ADRA1A: variants seen among roughly 807,000 people sequenced by gnomAD.
The protein encoded by ADRA1A is alpha-1A adrenergic receptor.
Under a neutral mutation model 29.6 loss-of-function variants are expected in ADRA1A, and 31 were observed. The observed-to-expected ratio is 1.05, with a 90% CI of 0.79 to 1.41. ADRA1A has a LOEUF of 1.41. Among genes scored for constraint, ADRA1A ranks in the 40% most tolerant of loss-of-function variants. The pLI, the probability that ADRA1A is intolerant of heterozygous loss-of-function variation, is 0.00. For synonymous variants in ADRA1A, 311 were observed against 254.3 expected (o/e 1.22, Z -2.12); for missense variants, 619 against 601.1 (o/e 1.03, Z -0.31).
chr8:26,833,068 A>G lies in ADRA1A; in HGVS notation c.883+31019T>C, dbSNP rs1001498899. Among the ~76,000 whole-genome samples the G allele has an allele frequency of 4.6e-5, 7 of 152,324 alleles. No individual in the cohort carries two copies. The South Asian group carries it at 8.3e-4, about 18-fold the overall frequency. ...CACATGTATGTATATTAGTAAAGTT[A>G]TAGATATACGTGTGTGTGGAAATCG... On this transcript the variant is annotated intron_variant, in intron 2 of 2. Coordinates refer to ENST00000380573, the MANE Select transcript of ADRA1A (RefSeq NM_000680.4).
chr8:26,796,358 G>A lies in ADRA1A; in HGVS notation c.884-25692C>T, dbSNP rs533337684. Among the ~76,000 whole-genome samples the A allele has an allele frequency of 3.3e-5, 5 of 152,142 alleles. No homozygotes were observed. Among genetic ancestry groups the A allele is most frequent in the Non-Finnish European group, 5.9e-5 (4 of 68,008 alleles). On this transcript the variant is annotated intron_variant, in intron 2 of 2. Transcript: ENST00000380573. This position sits in a 1 kb window ranked among gnomAD's most constrained non-coding sequence, Gnocchi z 5.0. ...ACTCACTGATTACCTACAACATTTC[G>A]CTACCTTCATCTGCATTTCCAAGTT... is the stretch of plus-strand genomic sequence containing the variant.
intron 2 of ADRA1A, among the ~76,000 whole-genome samples, chr8:26,778,866 C>T: frequency 6.6e-6 from 1 of 151,562 alleles, no homozygotes. Flanking sequence ...ATGGGTGCAG[C>T]ACACCAACAT....
chr8:26,766,291 C>T (rs1805780593), downstream of ADRA1A: 1 of 662,598 alleles, frequency 1.5e-6, no homozygotes, highest in Non-Finnish European at 2.7e-6. Flanking sequence ...TTCAATACAA[C>T]ACCCGATATG....
downstream of ADRA1A, among the ~76,000 whole-genome samples, chr8:26,752,238 T>C (rs1804952130): frequency 6.6e-6 from 1 of 152,210 alleles, no homozygotes; most frequent in South Asian, 2.1e-4. Context: ...GAGCCACTTT[T>C]ATTGGTTGGT....
chr8:26,843,970 C>G (rs1490899612), intron 2 of ADRA1A, among the ~76,000 whole-genome samples: 2 of 152,108 alleles, frequency 1.3e-5, no homozygotes, highest in Non-Finnish European at 2.9e-5. Context: ...TTTTTCTAAT[C>G]AAAGATTTAA....
intron 2 of ADRA1A, among the ~76,000 whole-genome samples, chr8:26,826,267 A>T (rs531994655): frequency 1.3e-5 from 2 of 152,226 alleles, no homozygotes; most frequent in African/African-American, 4.8e-5. Context: ...GGTGTTTCTG[A>T]CTGGCAAGCA....
At chr8:26,853,037 A>G (rs953686158) in intron 2 of ADRA1A, among the ~76,000 whole-genome samples, 1 of 152,226 alleles carries the variant, frequency 6.6e-6, no homozygotes, top group African/African-American at 2.4e-5. Flanking sequence ...ATCAATGTCA[A>G]TGAAAAAAGA....
chr8:26,778,687 C>T (rs1002108135), intron 2 of ADRA1A, among the ~76,000 whole-genome samples: 9 of 150,650 alleles, frequency 6.0e-5, no homozygotes, highest in East Asian at 5.9e-4. Flanking sequence ...AGCAAACTAT[C>T]GCAAGGACAA....
rs1810497759 is a variant in ADRA1A at position 26,825,542 on chromosome 8, A to G, written c.883+38545T>C. Among the ~76,000 whole-genome samples, 1 of 152,084 alleles carries G rather than the reference A, an allele frequency of 6.6e-6. No individual in the cohort carries two copies. The highest frequency in any genetic ancestry group is 1.5e-5 in the Non-Finnish European group (1 of 68,028). Reference sequence around the variant, plus strand: ...TTACCCCAACTTCTAGTTGTCAGCTATCCTTGTCAAAATTTCCTAATTTTG... The same window carrying G: ...TTACCCCAACTTCTAGTTGTCAGCTGTCCTTGTCAAAATTTCCTAATTTTG... On this transcript the variant is annotated intron_variant, in intron 2 of 2. Coordinates refer to ENST00000380573, the MANE Select transcript of ADRA1A (RefSeq NM_000680.4). The surrounding 1 kb of genome is among the most constrained non-coding windows in gnomAD (Gnocchi z 5.7).
In ADRA1A at chr8:26,775,111, G is replaced by A. The variant is rs138620960; in HGVS notation, c.884-4445C>T. On this transcript the variant is annotated intron_variant, in intron 2 of 2. Transcript: ENST00000380573. The surrounding 1 kb of genome is among the most constrained non-coding windows in gnomAD (Gnocchi z 4.1). ...CATCCGGCCGGCTTTGCTCACTCAC[G>A]GAGCTCCAGAATCCAGTAAAATGCT... Among the ~76,000 whole-genome samples, 2 of 152,240 alleles carry A rather than the reference G, an allele frequency of 1.3e-5. No homozygotes were observed. Among genetic ancestry groups the A allele is most frequent in the East Asian group, 1.9e-4 (1 of 5,172 alleles).
intron 2 of ADRA1A, among the ~76,000 whole-genome samples, chr8:26,808,566 C>T (rs1223177507): frequency 1.3e-5 from 2 of 152,188 alleles, no homozygotes; most frequent in Non-Finnish European, 2.9e-5. Flanking sequence ...ATCCCCTTTC[C>T]TGCTTCTAGC....
rs1809667700 is a variant in ADRA1A, at chr8:26,815,107, T to A, written c.884-44441A>T. Among the ~76,000 whole-genome samples, 1 of 152,220 alleles carries A rather than the reference T, an allele frequency of 6.6e-6. No homozygotes were observed. ...TATTTCTTTTATTGGTCAATATAAT[T>A]TAGACGCATGGGCCAAAGTATCAAA... On this transcript the variant is annotated intron_variant, in intron 2 of 2. Transcript: ENST00000380573. The surrounding 1 kb of genome is among the most constrained non-coding windows in gnomAD (Gnocchi z 4.2).
At chr8:26,767,626 T>A (rs535543123), downstream of ADRA1A, among the ~76,000 whole-genome samples, 1 of 152,332 alleles carries the variant, frequency 6.6e-6, no homozygotes, top group African/African-American at 2.4e-5. Flanking sequence ...TCTCTAGTTG[T>A]TTATTTTGAT....
At chr8:26,776,334 C>A (rs2130320185) in intron 2 of ADRA1A, among the ~76,000 whole-genome samples, 1 of 152,324 alleles carries the variant, frequency 6.6e-6, no homozygotes, top group African/African-American at 2.4e-5. Context: ...TTGGTTCCAG[C>A]CTCCAGCTTC....
At chr8:26,750,654 G>T (rs544797633) in intron 2 of ADRA1A, among the ~76,000 whole-genome samples, 5 of 152,222 alleles carry the variant, frequency 3.3e-5, no homozygotes, top group Non-Finnish European at 5.9e-5. Flanking sequence ...TCCTTCTGTG[G>T]CATTCCTCAA....
Position 26,865,140 on chromosome 8 carries a change from A to C in ADRA1A, c.-171T>G. ...GCGCGGGTGGGAAACAACCCTGGCCAGCCCTGGGAACCCTCAGAAGGCCAC... is the reference window on the plus strand; with the variant it reads ...GCGCGGGTGGGAAACAACCCTGGCCCGCCCTGGGAACCCTCAGAAGGCCAC... On this transcript the variant is annotated 5_prime_UTR_variant, in exon 2 of 3. Coordinates refer to ENST00000380573, the MANE Select transcript of ADRA1A (RefSeq NM_000680.4). This position sits in a 1 kb window ranked among gnomAD's most constrained non-coding sequence, Gnocchi z 7.6. The C allele has an allele frequency of 6.9e-7, 1 of 1,447,722 alleles. No homozygotes were observed. The highest frequency in any genetic ancestry group is 9.0e-7 in the Non-Finnish European group (1 of 1,107,334). The allele number at this position is 1,447,722 out of a possible 1,614,324, so 89.7% of individuals were successfully genotyped here. A position where few individuals can be genotyped will look rare whatever the true frequency, so the allele number is the denominator to read the frequency against.
At position 26,815,996 on chromosome 8, in the gene ADRA1A, G is replaced by A. The variant is rs908443732; in HGVS notation, c.884-45330C>T. On this transcript the variant is annotated intron_variant, in intron 2 of 2. Transcript: ENST00000380573. This position sits in a 1 kb window ranked among gnomAD's most constrained non-coding sequence, Gnocchi z 4.2. ...TATCATGAGCCTTGAAAAGTCGCTGGTTCCATGGCAGCTGTACCCATTTGG... is the reference window on the plus strand; with the variant it reads ...TATCATGAGCCTTGAAAAGTCGCTGATTCCATGGCAGCTGTACCCATTTGG... 3.3e-5 allele frequency among the ~76,000 whole-genome samples: 5 copies of A among 152,138 alleles called. No homozygotes were observed. Among genetic ancestry groups the A allele is most frequent in the African/African-American group, 1.2e-4 (5 of 41,422 alleles).
intron 2 of ADRA1A, among the ~76,000 whole-genome samples, chr8:26,797,978 T>G (rs971625836): frequency 6.6e-6 from 1 of 150,604 alleles, no homozygotes; most frequent in Non-Finnish European, 1.5e-5. Context: ...GCATCGACAG[T>G]AAGTTAGTCT....
chr8:26,763,966 G>A (rs895085036), downstream of ADRA1A, among the ~76,000 whole-genome samples: 8 of 152,138 alleles, frequency 5.3e-5, no homozygotes, highest in African/African-American at 1.7e-4. The surrounding 1 kb of genome is among the most constrained non-coding windows in gnomAD (Gnocchi z 4.5). Context: ...TTATTTTTTG[G>A]TTAATCTGGG....
Sources: allele counts gnomAD v4.1 joint callset (sites outside exome capture counted in the v4.1 genomes callset), GRCh38; gene constraint gnomAD v4.1.1; non-coding constraint Gnocchi (gnomAD v3.1); transcripts MANE v1.5; gene names NCBI Gene and HGNC (gene_info 2026-07-23, HGNC 2026-07-21).